The following TSPAN18 variants were observed in gnomAD, a reference collection of about 807,000 sequenced individuals.
TSPAN18 encodes the protein tetraspanin-18.
A neutral mutation model predicts 27.3 loss-of-function variants in TSPAN18; 14 were observed. The ratio of observed to expected loss-of-function variants is 0.51; its 90% confidence interval spans 0.34 to 0.80. The LOEUF is 0.80. Among genes scored for constraint, TSPAN18 ranks in the 30% least tolerant of loss-of-function variants. TSPAN18 has a pLI of 0.01. For synonymous variants in TSPAN18, 143 were observed against 136.5 expected (o/e 1.05, Z -0.33); for missense variants, 268 against 323.9 (o/e 0.83, Z 1.32).
chr11:44,776,155 G>T (rs865921516), intron 2 of TSPAN18, among the ~76,000 whole-genome samples: 37 of 152,328 alleles, frequency 2.4e-4, no homozygotes, highest in African/African-American at 6.7e-4. Context: ...GGTGTGCTCT[G>T]CAGTGGCCTT....
chr11:44,886,485 T>G (rs1858658282), intron 3 of TSPAN18: 1 of 152,174 alleles, frequency 6.6e-6, no homozygotes, highest in African/African-American at 2.4e-5. Context: ...CCTGGGGAAA[T>G]AGAATCATCT....
intron 1 of TSPAN18, among the ~76,000 whole-genome samples, chr11:44,751,067 G>A (rs867255189): frequency 3.3e-5 from 5 of 152,216 alleles, no homozygotes; most frequent in Non-Finnish European, 7.3e-5. Context: ...TTTAGGGCAC[G>A]TAAATGGGCA....
chr11:44,897,773 A>G (rs1391999988), intron 3 of TSPAN18: 11 of 1,289,314 alleles, frequency 8.5e-6, no homozygotes, highest in South Asian at 1.2e-5. Flanking sequence ...AAAGAAATAT[A>G]CACAAGCCTC....
chr11:44,890,455 G>C (rs184755699), intron 3 of TSPAN18, among the ~76,000 whole-genome samples: 5 of 152,164 alleles, frequency 3.3e-5, no homozygotes, highest in East Asian at 1.9e-4. Flanking sequence ...CGGGAGCAAT[G>C]GCTCACGCCT....
rs555946548 is a variant in TSPAN18, at chr11:44,853,297, G to A, written c.-152-7031G>A. Among the ~76,000 whole-genome samples the A allele has an allele frequency of 1.4e-4, 22 of 152,228 alleles. No homozygotes were observed. In the East Asian group the frequency reaches 4.2e-3, roughly 29 times the overall value. ...GTTAGGGACGTAGAGTCCATGGAGT[G>A]GGTGGGGAGAAGGGAGGGGCCTCAT... On this transcript the variant is annotated intron_variant, in intron 2 of 9. Coordinates refer to ENST00000520358, the MANE Select transcript of TSPAN18 (RefSeq NM_130783.5).
intron 1 of TSPAN18, among the ~76,000 whole-genome samples, chr11:44,732,100 T>C (rs1854675199): frequency 6.6e-6 from 1 of 152,256 alleles, no homozygotes; most frequent in Admixed American, 6.5e-5. Flanking sequence ...TCCAAGGACG[T>C]GGGCTGGGCC....
intron 3 of TSPAN18, among the ~76,000 whole-genome samples, chr11:44,867,516 A>C (rs1490401050): frequency 7.0e-6 from 1 of 141,864 alleles, no homozygotes; most frequent in African/African-American, 2.7e-5. Context: ...CTCCTGCCTC[A>C]GTCTCCTGAG....
intron 2 of TSPAN18, among the ~76,000 whole-genome samples, chr11:44,800,559 T>C (rs755290444): frequency 6.6e-6 from 1 of 152,200 alleles, no homozygotes; most frequent in Non-Finnish European, 1.5e-5. Context: ...TCCCCTTCCA[T>C]AGGGCCTGTA....
intron 2 of TSPAN18, among the ~76,000 whole-genome samples, chr11:44,814,689 C>T (rs5020259): frequency 0.24 from 34,090 of 144,074 alleles, 4,572 homozygotes; most frequent in East Asian, 0.59. Flanking sequence ...CATCCATCCA[C>T]CCACCCACCC....
intron 2 of TSPAN18, among the ~76,000 whole-genome samples, chr11:44,808,591 G>T (rs572248930): frequency 6.6e-6 from 1 of 152,180 alleles, no homozygotes. Flanking sequence ...AGAGACCTTG[G>T]GGGAGGGAGG....
At chr11:44,919,403 C>A in intron 7 of TSPAN18, 91 bp downstream of exon 7, 2 of 1,117,968 alleles carry the variant, frequency 1.8e-6, no homozygotes, top group Non-Finnish European at 2.7e-6. Context: ...TCAATCCAGG[C>A]ACTCTCCCAT....
At chr11:44,888,107 C>T (rs919433637) in intron 3 of TSPAN18, among the ~76,000 whole-genome samples, 7 of 152,118 alleles carry the variant, frequency 4.6e-5, no homozygotes, top group Admixed American at 6.5e-5. Context: ...AGGCTTTGCC[C>T]GAGTTTTCAG....
intron 9 of TSPAN18, among the ~76,000 whole-genome samples, chr11:44,927,445 G>A (rs1208703572): frequency 6.6e-6 from 1 of 152,326 alleles, no homozygotes; most frequent in Non-Finnish European, 1.5e-5. Flanking sequence ...GCCTGCGGGG[G>A]AAGGAAGTCA....
intron 2 of TSPAN18, among the ~76,000 whole-genome samples, chr11:44,824,984 AAC>A (rs1003055107): frequency 1.3e-5 from 2 of 152,102 alleles, no homozygotes; most frequent in African/African-American, 4.8e-5. Flanking sequence ...ACAGACACTA[AAC>A]CCATCCTCCC....
At chr11:44,853,898 AG>A (rs1437793691) in intron 2 of TSPAN18, among the ~76,000 whole-genome samples, 1 of 152,122 alleles carries the variant, frequency 6.6e-6, no homozygotes, top group Non-Finnish European at 1.5e-5. Flanking sequence ...GATTAATGAG[AG>A]GGCAGGGGAG....
chr11:44,770,168 G>T (rs544895259), intron 2 of TSPAN18, among the ~76,000 whole-genome samples: 1 of 152,304 alleles, frequency 6.6e-6, no homozygotes, highest in Admixed American at 6.5e-5. Flanking sequence ...TGCCCTTATG[G>T]AGCTTGCCTT....
At chr11:44,920,788 A>G (rs1254972527) in intron 8 of TSPAN18, among the ~76,000 whole-genome samples, 3 of 152,212 alleles carry the variant, frequency 2.0e-5, no homozygotes, top group Non-Finnish European at 4.4e-5. Context: ...CAGATGCAAG[A>G]GACACAGCAG....
At chr11:44,743,567 C>T (rs941078399) in intron 1 of TSPAN18, among the ~76,000 whole-genome samples, 3 of 152,220 alleles carry the variant, frequency 2.0e-5, no homozygotes, top group Non-Finnish European at 4.4e-5. Flanking sequence ...CAGGAACAGC[C>T]GAGTCCTCGG....
intron 3 of TSPAN18, chr11:44,903,927 GGTT>G (rs1430486674): frequency 2.2e-6 from 1 of 454,208 alleles, no homozygotes; most frequent in African/African-American, 2.0e-5. Context: ...TAATCTCATG[GGTT>G]GTTATGAGTT....
Sources: gnomAD v4.1 joint callset for allele counts (sites outside exome capture counted in the v4.1 genomes callset) on GRCh38, gnomAD v4.1.1 for gene constraint, MANE v1.5 for transcripts, NCBI Gene and HGNC (gene_info 2026-07-23, HGNC 2026-07-21) for gene names.